Variants in NME6 observed in about 807,000 individuals in gnomAD.
NME6 encodes NME/NM23 nucleoside diphosphate kinase 6, also known as nucleoside diphosphate kinase 6, mitochondrial.
Under a neutral mutation model 22.2 loss-of-function variants are expected in NME6, and 16 were observed. The ratio of observed to expected loss-of-function variants is 0.72; its 90% CI spans 0.49 to 1.09. The LOEUF (loss-of-function observed/expected upper bound fraction) is 1.09. Ranked by LOEUF, NME6 falls within the 50% of genes least tolerant of loss-of-function variation. The pLI is 0.00. For missense variants in NME6, 229 were observed against 239.0 expected (o/e 0.96, Z 0.28); for synonymous variants, 58 against 85.2 (o/e 0.68, Z 1.76).
In NME6 at chr3:48,296,129, AC is replaced by A. The variant is rs2035069843; in HGVS notation, c.222del (p.Glu74AspfsTer104). On this transcript the variant is annotated frameshift_variant, in exon 4 of 6. Transcript: ENST00000442597. LOFTEE classifies it high-confidence loss of function. ...EGRFFYQRLV[E>X]FMASGPIRAY... Reference sequence around the variant, plus strand: ...CCAAATTTGAAGTACCTGGCCATGAACTCCACCAGCCTCTGATAGAAAAAAC... The same window carrying A: ...CCAAATTTGAAGTACCTGGCCATGAATCCACCAGCCTCTGATAGAAAAAAC... The A allele has an allele frequency of 6.2e-7, 1 of 1,612,236 alleles. No individual in the cohort carries two copies. The highest frequency in any genetic ancestry group is 1.3e-5 in the African/African-American group (1 of 74,860).
downstream of NME6, among the ~76,000 whole-genome samples, chr3:48,288,928 C>G (rs1179722851): frequency 6.6e-6 from 1 of 152,148 alleles, no homozygotes; most frequent in African/African-American, 2.4e-5. Context: ...AGAGAACGTC[C>G]ATCAAGCTCC....
At chr3:48,298,816 A>G in intron 1 of NME6, 1 of 616,616 alleles carries the variant, frequency 1.6e-6, no homozygotes, top group Non-Finnish European at 2.9e-6. Context: ...AAGTTTAAAT[A>G]CTACCTGTCT....
At chr3:48,289,907 A>G (rs2034335804), downstream of NME6, among the ~76,000 whole-genome samples, 1 of 152,260 alleles carries the variant, frequency 6.6e-6, no homozygotes. Flanking sequence ...TTATGAGCTT[A>G]TATGAAGTGA....
intron 5 of NME6, 126 bp from the exon 6 acceptor site, chr3:48,294,929 G>A: frequency 7.2e-7 from 1 of 1,394,548 alleles, no homozygotes; most frequent in South Asian, 1.3e-5. Context: ...TGTAAAGAAA[G>A]TCCACAGGCC....
At chr3:48,297,585 C>A (rs2035249549) in intron 2 of NME6, 1 of 152,412 alleles carries the variant, frequency 6.6e-6, no homozygotes, top group Non-Finnish European at 1.5e-5. Context: ...CCACCCTAAT[C>A]TCCAGGACTG....
downstream of NME6, chr3:48,288,740 T>TG (rs1434453110): frequency 1.3e-5 from 2 of 151,676 alleles, no homozygotes; most frequent in East Asian, 3.9e-4. Flanking sequence ...TGGTGGTACA[T>TG]GTTATGAAGA....
chr3:48,295,329 C>G lies in NME6; in HGVS notation c.234-94G>C, dbSNP rs2034972481. The G allele has an allele frequency of 2.2e-6, 3 of 1,376,878 alleles. No homozygotes were observed. In the South Asian group the frequency reaches 4.3e-5, roughly 20 times the overall value. The allele number at this position is 1,376,878 out of a possible 1,614,324, so 85.3% of individuals were successfully genotyped here. A position where few individuals can be genotyped will look rare whatever the true frequency, so the allele number is the denominator to read the frequency against. ...CCTGAATAAAAACACACTCTACGTTCTGAGAGTTTTCCTGCCTTTCCAGCT... is the reference window on the plus strand; with the variant it reads ...CCTGAATAAAAACACACTCTACGTTGTGAGAGTTTTCCTGCCTTTCCAGCT... On this transcript the variant is annotated intron_variant, in intron 4 of 5. Coordinates refer to ENST00000442597, the MANE Select transcript of NME6 (RefSeq NM_001308426.2).
chr3:48,294,965 C>T, intron 5 of NME6, 110 bp downstream of exon 5: 1 of 1,460,286 alleles, frequency 6.8e-7, no homozygotes, highest in South Asian at 1.3e-5. Flanking sequence ...GCTACAAAGA[C>T]CAGAAACACA....
chr3:48,301,199 C>T (rs949497050), intron 1 of NME6, 154 bp downstream of exon 1: 171 of 1,446,952 alleles, frequency 1.2e-4, no homozygotes, highest in Non-Finnish European at 1.5e-4. Context: ...CCCTCCAGCC[C>T]CCCGGGCTCA....
In NME6 at chr3:48,294,517, A is replaced by C. The variant is rs1321038274; in HGVS notation, c.*120T>G. 1.7e-5 allele frequency: 16 copies of C among 935,378 alleles called. No homozygotes were observed. The highest frequency in any genetic ancestry group is 2.4e-5 in the Non-Finnish European group (15 of 614,512). The allele number at this position is 935,378 out of a possible 1,614,324, so 57.9% of individuals were successfully genotyped here. ...GCTGTGGTGAGCTAGGCCCTCAGGC[A>C]GGTGGTGGTGCCCAGCAGAAATGGC... On this transcript the variant is annotated 3_prime_UTR_variant, in exon 6 of 6. Transcript: ENST00000442597.
chr3:48,293,267 T>C lies in NME6; in HGVS notation c.*1370A>G, dbSNP rs1172354991. 6.6e-6 allele frequency: 1 copy of C among 152,228 alleles called. No individual in the cohort carries two copies. The highest frequency in any genetic ancestry group is 1.5e-5 in the Non-Finnish European group (1 of 68,046). 9.4% of individuals were successfully genotyped at this position (152,228 alleles called of 1,614,324 possible). A position where few individuals can be genotyped will look rare whatever the true frequency, so the allele number is the denominator to read the frequency against. ...GCTGATGCTTTCAGATAGATGCTGT[T>C]TATATTTTGCACAGCTTTTCTAGTT... On this transcript the variant is annotated 3_prime_UTR_variant, in exon 6 of 6. Coordinates refer to ENST00000442597, the MANE Select transcript of NME6 (RefSeq NM_001308426.2).
Position 48,298,417 on chromosome 3 carries a change from T to G in NME6, c.90+10A>C. 2 of 1,612,190 alleles carry G rather than the reference T, an allele frequency of 1.2e-6. No individual in the cohort carries two copies. The highest frequency in any genetic ancestry group is 1.7e-6 in the Non-Finnish European group (2 of 1,178,208). ...AGGGCATGCGGTAGAGACTTAGGAT[T>G]CATTCTTACCTCCAGAATCAGTGGA... On this transcript the variant is annotated intron_variant, in intron 2 of 5. Transcript: ENST00000442597.
chr3:48,291,187 G>T, downstream of NME6: 2 of 334,964 alleles, frequency 6.0e-6, no homozygotes, highest in South Asian at 5.3e-5. Context: ...GACGTGGTAA[G>T]GTGGACCCAG....
intron 1 of NME6, chr3:48,299,001 G>A (rs2035424985): frequency 2.8e-6 from 2 of 702,980 alleles, no homozygotes; most frequent in East Asian, 2.7e-5. Context: ...GACAGCAACT[G>A]AGGTGCTACC....
Position 48,293,175 on chromosome 3 carries a change from GCT to G in NME6, c.*1460_*1461del, listed in dbSNP as rs2034683162. On this transcript the variant is annotated 3_prime_UTR_variant, in exon 6 of 6. Coordinates refer to ENST00000442597, the MANE Select transcript of NME6 (RefSeq NM_001308426.2). ...AGCAGGTGCCCTTATGGGAAAAGTA[GCT>G]CTAAGTCCCAGGCTCACTTCTCTTG... 1 of 152,222 alleles carries G rather than the reference GCT, an allele frequency of 6.6e-6. No individual in the cohort carries two copies. The highest frequency in any genetic ancestry group is 1.5e-5 in the Non-Finnish European group (1 of 68,036). The allele number at this position is 152,222 out of a possible 1,614,324, so 9.4% of individuals were successfully genotyped here. A position where few individuals can be genotyped will look rare whatever the true frequency, so the allele number is the denominator to read the frequency against.
chr3:48,290,129 C>T (rs557612335), downstream of NME6, among the ~76,000 whole-genome samples: 62 of 151,546 alleles, frequency 4.1e-4, no homozygotes, highest in Non-Finnish European at 7.4e-4. Context: ...GGCACAATCA[C>T]GGCTCACTGC....
intron 1 of NME6, chr3:48,298,959 C>T: frequency 1.4e-6 from 1 of 703,026 alleles, no homozygotes; most frequent in Non-Finnish European, 2.6e-6. Context: ...CCATAGTGCT[C>T]TCCTATCAAA....
chr3:48,301,324 G>A (rs1464024785), intron 1 of NME6, 29 bp downstream of exon 1: 4 of 1,587,980 alleles, frequency 2.5e-6, no homozygotes, highest in Admixed American at 1.8e-5. Context: ...CGGAGCCCCA[G>A]TGCAGCAGAA....
chr3:48,296,814 T>C lies in NME6; in HGVS notation c.106A>G (p.Ile36Val), dbSNP rs1222939040. The C allele has an allele frequency of 6.2e-7, 1 of 1,613,120 alleles. No individual in the cohort carries two copies. Among genetic ancestry groups the C allele is most frequent in the South Asian group, 1.1e-5 (1 of 91,056 alleles). ...ACAATCAGGAACTTGTTGCTTAGAATCTGCTGATGAACAGCCTGAATAAAG... is the reference window on the plus strand; with the variant it reads ...ACAATCAGGAACTTGTTGCTTAGAACCTGCTGATGAACAGCCTGAATAAAG... ...PLILEAVHQQ[I>V]LSNKFLIVRM... The change falls in exon 3 of 6, where the codon ATT becomes GTT. Residue 36 changes from isoleucine (I) to valine (V), a missense_variant. Ile to Val is a conservative substitution (Grantham distance 29). Transcript: ENST00000442597.
Sources: gnomAD v4.1 joint callset for allele counts (sites outside exome capture counted in the v4.1 genomes callset) on GRCh38, gnomAD v4.1.1 for gene constraint, MANE v1.5 for transcripts, NCBI Gene and HGNC (gene_info 2026-07-23, HGNC 2026-07-21) for gene names.